ECH1: variants seen among roughly 807,000 people sequenced by gnomAD.
ECH1 encodes enoyl-CoA hydratase 1.
In ECH1, 30 loss-of-function variants were observed where a neutral mutation model predicts 37.0. That is an observed-to-expected ratio of 0.81 (90% CI 0.61 to 1.10). The LOEUF (loss-of-function observed/expected upper bound fraction) is 1.10, where lower values mean the gene tolerates loss of function less well. Ranked by LOEUF, ECH1 falls within the 50% of genes least tolerant of loss-of-function variation. The pLI is 0.00. For missense variants in ECH1, 456 were observed against 441.6 expected (o/e 1.03, Z -0.29); for synonymous variants, 178 against 176.0 (o/e 1.01, Z -0.09).
chr19:38,816,993 G>T, intron 6 of ECH1, 72 bp downstream of exon 6: 1 of 1,500,624 alleles, frequency 6.7e-7, no homozygotes, highest in Non-Finnish European at 9.1e-7. Flanking sequence ...TGAAGCCCTC[G>T]AGGCTCACTC....
Position 38,815,986 on chromosome 19 carries a change from C to T in ECH1, c.753G>A (p.Glu251=), listed in dbSNP as rs749625289. ...GCGCTAAGGCAGCATCCAGCATGAC[C>T]TCTTTGTCTGGGAACACCCGGCTGC... The part of the protein sequence containing the change: ...GLVSRVFPDK[E]VMLDAALALA... The change falls in exon 9 of 10, where the codon GAG becomes GAA. Residue 251 remains glutamate, a synonymous_variant. Transcript: ENST00000221418. The T allele has an allele frequency of 6.2e-7, 1 of 1,613,684 alleles. No homozygotes were observed.
At chr19:38,831,558 GAC>G in intron 1 of ECH1, 42 bp from the exon 2 acceptor site, 1 of 1,582,586 alleles carries the variant, frequency 6.3e-7, no homozygotes, top group South Asian at 1.1e-5. Context: ...CAGACTGCAA[GAC>G]ACAGGCCTAT....
intron 3 of ECH1, among the ~76,000 whole-genome samples, chr19:38,824,338 G>A (rs769933941): frequency 3.9e-5 from 6 of 152,208 alleles, no homozygotes; most frequent in Non-Finnish European, 5.9e-5. Flanking sequence ...CTGCGTTGAT[G>A]AGCACAACTA....
At chr19:38,828,900 C>T (rs928960983) in intron 3 of ECH1, among the ~76,000 whole-genome samples, 2 of 149,890 alleles carry the variant, frequency 1.3e-5, no homozygotes, top group Non-Finnish European at 3.0e-5. Flanking sequence ...GGATTACAGG[C>T]GTGAGCCACC....
At position 38,817,305 on chromosome 19, in the gene ECH1, C is replaced by T. The variant is rs201841066; in HGVS notation, c.523+11G>A. On this transcript the variant is annotated intron_variant, in intron 5 of 9. Transcript: ENST00000221418. ...GGGAGCACCCGAGCAGGAGGATAGC[C>T]GCAGACTCACCTCCGCCAATGCAGC... 495 of 1,545,504 alleles carry T rather than the reference C, an allele frequency of 3.2e-4. 2 individuals carry two copies. Among genetic ancestry groups the T allele is most frequent in the Non-Finnish European group, 1.5e-4 (168 of 1,141,860 alleles).
At position 38,817,140 on chromosome 19, in the gene ECH1, G is replaced by T; in HGVS notation, c.524-11C>A. On this transcript the variant is annotated splice_polypyrimidine_tract_variant and intron_variant, in intron 5 of 9. Coordinates refer to ENST00000221418, the MANE Select transcript of ECH1 (RefSeq NM_001398.3). ...TGACAAGGTCCACACCTAGGAGGTA[G>T]AGGCCAGGGATGCTGAATGACCACC... The T allele has an allele frequency of 6.4e-7, 1 of 1,564,504 alleles. No homozygotes were observed. Among genetic ancestry groups the T allele is most frequent in the South Asian group, 1.2e-5 (1 of 84,874 alleles).
rs199702625 is a variant in ECH1 at position 38,816,025 on chromosome 19, A to C, written c.732-18T>G. On this transcript the variant is annotated intron_variant, in intron 8 of 9. Transcript: ENST00000221418. ...ACACCCGGCTGCAGTGAAAGAGATC[A>C]GGGACCGGGTGGGCTGGGAAGGGCT... is the stretch of plus-strand genomic sequence containing the variant. The C allele has an allele frequency of 2.9e-5, 46 of 1,610,736 alleles. No homozygotes were observed. The Admixed American group carries it at 4.7e-4, about 16-fold the overall frequency.
chr19:38,818,024 C>G (rs1450377511), intron 3 of ECH1, among the ~76,000 whole-genome samples: 1 of 152,154 alleles, frequency 6.6e-6, no homozygotes, highest in Non-Finnish European at 1.5e-5. Flanking sequence ...CAGGTTCAAG[C>G]AATCCTCCCA....
intron 3 of ECH1, among the ~76,000 whole-genome samples, chr19:38,825,732 A>G (rs1281601702): frequency 6.6e-6 from 1 of 152,190 alleles, no homozygotes; most frequent in Admixed American, 6.5e-5. Flanking sequence ...GCTTGTTATC[A>G]TGCGGTTTAC....
At chr19:38,816,583 C>T in intron 6 of ECH1, 60 bp from the exon 7 acceptor site, 1 of 1,585,194 alleles carries the variant, frequency 6.3e-7, no homozygotes, top group Non-Finnish European at 8.6e-7. Flanking sequence ...CTCGCAATGT[C>T]AACGTCCATG....
chr19:38,816,055 C>T (rs751410665), intron 8 of ECH1, 48 bp from the exon 9 acceptor site: 18 of 1,605,790 alleles, frequency 1.1e-5, no homozygotes, highest in Non-Finnish European at 1.4e-5. Flanking sequence ...AGGGCTCTCT[C>T]CTCCAGCCTC....
intron 3 of ECH1, among the ~76,000 whole-genome samples, chr19:38,825,946 C>T (rs1480103277): frequency 2.6e-5 from 4 of 152,282 alleles, no homozygotes; most frequent in Non-Finnish European, 5.9e-5. Flanking sequence ...CACTGAGCCC[C>T]GGGTACGTTT....
intron 3 of ECH1, among the ~76,000 whole-genome samples, chr19:38,823,871 T>C (rs1241987623): frequency 6.6e-6 from 1 of 152,214 alleles, no homozygotes; most frequent in Non-Finnish European, 1.5e-5. Context: ...CTCTGGTGCT[T>C]TTCTAGTTTC....
chr19:38,819,772 C>G (rs1971634785), intron 3 of ECH1, among the ~76,000 whole-genome samples: 1 of 151,978 alleles, frequency 6.6e-6, no homozygotes, highest in Non-Finnish European at 1.5e-5. Flanking sequence ...ATTGCAAGAC[C>G]TCTTCTCTAC....
intron 7 of ECH1, 39 bp downstream of exon 7, chr19:38,816,413 TG>T: frequency 6.2e-7 from 1 of 1,613,804 alleles, no homozygotes; most frequent in East Asian, 2.2e-5. Flanking sequence ...GGAGATGCTC[TG>T]GGGTCTCCTG....
At position 38,831,411 on chromosome 19, in the gene ECH1, T is replaced by G. The variant is rs1971821895; in HGVS notation, c.158A>C (p.His53Pro). The part of the protein sequence containing the change: ...SGVALGEAPD[H>P]SYESLRVTSA... ...CGTCACACGAAGGGACTCATAGCTGTGGTCTGGGGCTTCACCGAGGGCTAC... is the reference window on the plus strand; with the variant it reads ...CGTCACACGAAGGGACTCATAGCTGGGGTCTGGGGCTTCACCGAGGGCTAC... Residue 53 changes from histidine to proline, a missense_variant, in exon 2 of 10, where the codon CAC becomes CCC. Physicochemically the swap from His to Pro is moderately conservative, Grantham distance 77. Transcript: ENST00000221418. 5 of 1,613,930 alleles carry G rather than the reference T, an allele frequency of 3.1e-6. No individual in the cohort carries two copies. Among genetic ancestry groups the G allele is most frequent in the Non-Finnish European group, 3.4e-6 (4 of 1,179,986 alleles).
intron 3 of ECH1, among the ~76,000 whole-genome samples, chr19:38,824,323 T>C (rs886710718): frequency 2.0e-5 from 3 of 152,238 alleles, no homozygotes; most frequent in Non-Finnish European, 4.4e-5. Context: ...CTAGTGTTTC[T>C]GCTGCTGCGT....
intron 3 of ECH1, among the ~76,000 whole-genome samples, chr19:38,830,642 AT>A (rs1301087044): frequency 3.6e-5 from 5 of 138,408 alleles, no homozygotes; most frequent in African/African-American, 1.1e-4. Context: ...AGAGAAAGAT[AT>A]TGTCTCCAAA....
intron 3 of ECH1, among the ~76,000 whole-genome samples, chr19:38,822,384 CA>C (rs1395030109): frequency 6.6e-6 from 1 of 151,492 alleles, no homozygotes; most frequent in Non-Finnish European, 1.5e-5. Flanking sequence ...TGTAAACAAC[CA>C]ATCAGCACTC....
Sources: allele counts gnomAD v4.1 joint callset (sites outside exome capture counted in the v4.1 genomes callset), GRCh38; gene constraint gnomAD v4.1.1; transcripts MANE v1.5; gene names NCBI Gene and HGNC (gene_info 2026-07-23, HGNC 2026-07-21).